Variants in RBPMS observed in about 807,000 individuals in gnomAD.
RBPMS encodes the protein RNA-binding protein with multiple splicing.
RBPMS carries 7 observed loss-of-function variants against 26.8 expected under a neutral mutation model. The observed-to-expected ratio is 0.26, with a 90% confidence interval of 0.15 to 0.49. RBPMS has a LOEUF of 0.49. Ranked by LOEUF, RBPMS falls within the 20% of genes least tolerant of loss-of-function variation. The pLI, the probability that RBPMS is intolerant of heterozygous loss-of-function variation, is 0.98. For synonymous variants in RBPMS, 96 were observed against 93.3 expected (o/e 1.03, Z -0.17); for missense variants, 186 against 250.0 (o/e 0.74, Z 1.73).
chr8:30,534,411 T>C (rs555513267), intron 5 of RBPMS, among the ~76,000 whole-genome samples: 59 of 152,356 alleles, frequency 3.9e-4, no homozygotes, highest in African/African-American at 1.3e-3. Flanking sequence ...ACAAAATAAA[T>C]ACTTGTTCTG....
chr8:30,567,009 A>T (rs1306941052), intron 8 of RBPMS, among the ~76,000 whole-genome samples: 1 of 151,700 alleles, frequency 6.6e-6, no homozygotes, highest in Non-Finnish European at 1.5e-5. Context: ...AATGTAGTCT[A>T]AAAAAAATCC....
intron 1 of RBPMS, among the ~76,000 whole-genome samples, chr8:30,435,824 A>C (rs936484458): frequency 2.0e-5 from 3 of 152,174 alleles, no homozygotes; most frequent in Admixed American, 1.3e-4. Flanking sequence ...ATTTTTTAAG[A>C]GATAGATTCT....
At chr8:30,488,821 A>G (rs1003202310) in intron 4 of RBPMS, among the ~76,000 whole-genome samples, 1 of 152,214 alleles carries the variant, frequency 6.6e-6, no homozygotes, top group Non-Finnish European at 1.5e-5. Flanking sequence ...AAAAGGTACT[A>G]AATTTGTTAA....
At chr8:30,557,542 C>T (rs983100349) in intron 6 of RBPMS, among the ~76,000 whole-genome samples, 4 of 152,192 alleles carry the variant, frequency 2.6e-5, no homozygotes, top group Admixed American at 1.3e-4. Context: ...CAGAGCCCTG[C>T]GTTGTGCAGT....
At chr8:30,450,792 A>AC in intron 1 of RBPMS, among the ~76,000 whole-genome samples, 1 of 50,000 alleles carries the variant, frequency 2.0e-5, no homozygotes. Context: ...GAAAGCAAAA[A>AC]AAAAAAAAAA....
intron 1 of RBPMS, among the ~76,000 whole-genome samples, chr8:30,409,833 A>C (rs1007947686): frequency 4.0e-5 from 6 of 151,742 alleles, no homozygotes; most frequent in Non-Finnish European, 7.4e-5. Context: ...GGGTTTCACC[A>C]CGTTGGCCAG....
intron 6 of RBPMS, chr8:30,547,324 T>C (rs755618121): frequency 2.4e-5 from 38 of 1,613,312 alleles, no homozygotes; most frequent in Non-Finnish European, 3.1e-5. Flanking sequence ...CCAACACACC[T>C]GTCTTTTGTC....
chr8:30,504,321 A>G lies in RBPMS; in HGVS notation c.282A>G (p.Leu94=). ...TCGATCCTGAAATTCCGCAAACACT[A>G]CGACTAGAGTTTGCTAAGGCAAACA... ...IRFDPEIPQT[L]RLEFAKANTK... Residue 94 remains leucine (L), a synonymous_variant, in exon 5 of 9, where the codon CTA becomes CTG. Transcript: ENST00000397323. The G allele has an allele frequency of 1.1e-5, 17 of 1,614,210 alleles. No homozygotes were observed. Among genetic ancestry groups the G allele is most frequent in the Non-Finnish European group, 1.4e-5 (17 of 1,180,020 alleles).
chr8:30,456,398 G>T (rs1815218995), intron 1 of RBPMS, among the ~76,000 whole-genome samples: 1 of 148,250 alleles, frequency 6.7e-6, no homozygotes, highest in African/African-American at 2.5e-5. Context: ...AGGCTAAGGG[G>T]TCCATATTCT....
chr8:30,390,713 T>C (rs11777732), intron 1 of RBPMS, among the ~76,000 whole-genome samples: 38,673 of 152,070 alleles, frequency 0.25, 5,255 homozygotes, highest in Non-Finnish European at 0.28. Context: ...AGTTACTTTC[T>C]GTTATGTCCA....
intron 1 of RBPMS, among the ~76,000 whole-genome samples, chr8:30,435,037 C>CATCCATCCATCCATCT (rs1812311179): frequency 6.6e-6 from 1 of 151,898 alleles, no homozygotes; most frequent in Admixed American, 6.6e-5. Flanking sequence ...TCCATCCATC[C>CATCCATCCATCCATCT]ATCCGATCCA....
intron 6 of RBPMS, among the ~76,000 whole-genome samples, chr8:30,554,845 ACT>A (rs1826717250): frequency 6.6e-6 from 1 of 152,028 alleles, no homozygotes; most frequent in African/African-American, 2.4e-5. Flanking sequence ...ACTTTTCGTG[ACT>A]CTTTCTAAGG....
intron 1 of RBPMS, among the ~76,000 whole-genome samples, chr8:30,430,205 G>A (rs1466844834): frequency 1.3e-5 from 2 of 151,598 alleles, no homozygotes; most frequent in Non-Finnish European, 2.9e-5. Flanking sequence ...GGGTTAGAGT[G>A]ATACCCTGTC....
chr8:30,529,736 A>G (rs1824002407), intron 5 of RBPMS, among the ~76,000 whole-genome samples: 2 of 149,674 alleles, frequency 1.3e-5, no homozygotes, highest in African/African-American at 4.9e-5. Context: ...GTTGTAGCAT[A>G]TATTAGAACT....
chr8:30,531,511 G>A (rs1304726315), intron 5 of RBPMS, among the ~76,000 whole-genome samples: 3 of 152,224 alleles, frequency 2.0e-5, no homozygotes, highest in African/African-American at 7.2e-5. Context: ...CCAGAAAGAA[G>A]CAGCTCAGTT....
intron 1 of RBPMS, among the ~76,000 whole-genome samples, chr8:30,464,423 C>G (rs1816274658): frequency 6.6e-6 from 1 of 152,274 alleles, no homozygotes; most frequent in East Asian, 1.9e-4. Context: ...AACCTCCCCC[C>G]ACCCCAGCTT....
chr8:30,443,813 T>G (rs1206294946), intron 1 of RBPMS, among the ~76,000 whole-genome samples: 2 of 152,036 alleles, frequency 1.3e-5, no homozygotes. Context: ...GCCGGGATGG[T>G]CTCCATCTCT....
rs1229010137 is a variant in RBPMS at position 30,517,690 on chromosome 8, G to GGCCTGTA, written c.397+13255_397+13261dup. Among the ~76,000 whole-genome samples, 120 of 152,322 alleles carry GGCCTGTA rather than the reference G, an allele frequency of 7.9e-4. 1 individual carries two copies. The highest frequency in any genetic ancestry group is 1.6e-4 in the Non-Finnish European group (11 of 68,034). On this transcript the variant is annotated intron_variant, in intron 5 of 8. Transcript: ENST00000397323. ...GTGTTTACACATAGTAGAGGAAACA[G>GGCCTGTA]GCCTGTAAGGAGCTGCCGTGTGTAA...
At chr8:30,517,032 T>G (rs1255022500) in intron 5 of RBPMS, among the ~76,000 whole-genome samples, 1 of 152,156 alleles carries the variant, frequency 6.6e-6, no homozygotes, top group Admixed American at 6.5e-5. Flanking sequence ...CACCCAGAGA[T>G]AAGTATTTTA....
Sources: gnomAD v4.1 joint callset for allele counts (sites outside exome capture counted in the v4.1 genomes callset) on GRCh38, gnomAD v4.1.1 for gene constraint, MANE v1.5 for transcripts, NCBI Gene and HGNC (gene_info 2026-07-23, HGNC 2026-07-21) for gene names.